Variants in NOSTRIN observed in about 807,000 individuals in gnomAD.
NOSTRIN encodes BM247 homolog.
A neutral mutation model predicts 59.0 loss-of-function variants in NOSTRIN; 63 were observed. The ratio of observed to expected loss-of-function variants is 1.07; its 90% CI spans 0.87 to 1.32. The LOEUF is 1.32. Among genes scored for constraint, NOSTRIN ranks in the 40% most tolerant of loss-of-function variants. The pLI is 0.00. For synonymous variants in NOSTRIN, 200 were observed against 165.4 expected (o/e 1.21, Z -1.61); for missense variants, 512 against 473.1 (o/e 1.08, Z -0.76).
At position 168,839,547 on chromosome 2, in the gene NOSTRIN, G is replaced by C. The variant is rs1430185566; in HGVS notation, c.505-3445G>C. Reference sequence around the variant, plus strand: ...GATGTTTGTTCCAAGAGCAAAAAAAGGGACGAAAGGAAAAGAAGTCAATCT... The same window carrying C: ...GATGTTTGTTCCAAGAGCAAAAAAACGGACGAAAGGAAAAGAAGTCAATCT... On this transcript the variant is annotated intron_variant, in intron 7 of 15. Transcript: ENST00000317647. 2.0e-5 allele frequency among the ~76,000 whole-genome samples: 3 copies of C among 152,242 alleles called. No individual in the cohort carries two copies. The East Asian group carries it at 5.8e-4, about 29-fold the overall frequency.
At chr2:168,849,561 G>A (rs1454827469) in intron 8 of NOSTRIN, among the ~76,000 whole-genome samples, 1 of 151,416 alleles carries the variant, frequency 6.6e-6, no homozygotes, top group Non-Finnish European at 1.5e-5. Context: ...TTGCCACGTT[G>A]GGCAGGCTGG....
At chr2:168,853,862 A>C (rs1688916431) in intron 10 of NOSTRIN, among the ~76,000 whole-genome samples, 1 of 152,168 alleles carries the variant, frequency 6.6e-6, no homozygotes, top group Non-Finnish European at 1.5e-5. Flanking sequence ...GTAATAAATA[A>C]TATAAAGAAA....
chr2:168,792,954 G>T (rs2105499764), intron 2 of NOSTRIN, among the ~76,000 whole-genome samples: 1 of 152,260 alleles, frequency 6.6e-6, no homozygotes, highest in South Asian at 2.1e-4. Context: ...CCCAAAGTTA[G>T]CATACTAATT....
At chr2:168,797,084 T>TTTTTTTTG (rs1685502356), upstream of NOSTRIN, among the ~76,000 whole-genome samples, 1 of 31,756 alleles carries the variant, frequency 3.1e-5, no homozygotes, top group African/African-American at 1.1e-4. Flanking sequence ...TTTTTCTTTT[T>TTTTTTTTG]TTTTTTTTTT....
intron 2 of NOSTRIN, among the ~76,000 whole-genome samples, chr2:168,820,291 A>G (rs955058557): frequency 1.3e-5 from 2 of 152,188 alleles, no homozygotes; most frequent in Non-Finnish European, 2.9e-5. Flanking sequence ...GTTCCGTTCC[A>G]TGAAATGGGT....
chr2:168,798,746 A>G (rs1685545357), upstream of NOSTRIN, among the ~76,000 whole-genome samples: 1 of 152,198 alleles, frequency 6.6e-6, no homozygotes, highest in Non-Finnish European at 1.5e-5. Context: ...CTCTTTGTGC[A>G]TTAAAATTTT....
intron 12 of NOSTRIN, chr2:168,859,170 A>G (rs2105785609): frequency 5.2e-6 from 1 of 191,768 alleles, no homozygotes; most frequent in Admixed American, 5.9e-5. Flanking sequence ...AGACCACCAA[A>G]AATCTACCTT....
chr2:168,796,963 T>C (rs1453593201), upstream of NOSTRIN, among the ~76,000 whole-genome samples: 1 of 152,184 alleles, frequency 6.6e-6, no homozygotes, highest in Non-Finnish European at 1.5e-5. Flanking sequence ...TGAAAGCAAT[T>C]ATTTATTGAA....
At position 168,863,652 on chromosome 2, in the gene NOSTRIN, A is replaced by C. The variant is rs1689631232; in HGVS notation, c.1385-1182A>C. ...GGAGTTACATTTTGAATGGGGAGTTACATTTCTGTGCAAAGCTGTGAGTGA... is the reference window on the plus strand; with the variant it reads ...GGAGTTACATTTTGAATGGGGAGTTCCATTTCTGTGCAAAGCTGTGAGTGA... On this transcript the variant is annotated intron_variant, in intron 15 of 15. Transcript: ENST00000317647. 3 of 932,868 alleles carry C rather than the reference A, an allele frequency of 3.2e-6. No homozygotes were observed. In the African/African-American group the frequency reaches 8.0e-5, roughly 25 times the overall value. The allele number at this position is 932,868 out of a possible 1,614,324, so 57.8% of individuals were successfully genotyped here.
intron 15 of NOSTRIN, among the ~76,000 whole-genome samples, chr2:168,864,131 C>CTAAT (rs1452894149): frequency 6.6e-6 from 1 of 152,030 alleles, no homozygotes; most frequent in Non-Finnish European, 1.5e-5. Flanking sequence ...CCATGCCTGG[C>CTAAT]TAATTTTTGT....
intron 8 of NOSTRIN, among the ~76,000 whole-genome samples, chr2:168,844,279 T>C (rs936332981): frequency 2.6e-5 from 4 of 152,134 alleles, no homozygotes; most frequent in African/African-American, 7.2e-5. Context: ...CGGCCCCTGG[T>C]GAAGCAGTAC....
chr2:168,864,546 A>C (rs1247382057), intron 15 of NOSTRIN, among the ~76,000 whole-genome samples: 1 of 152,326 alleles, frequency 6.6e-6, no homozygotes, highest in East Asian at 1.9e-4. Context: ...TGGCCTCCCA[A>C]AGTGCTGGGA....
chr2:168,855,461 G>A lies in NOSTRIN; in HGVS notation c.964+1G>A, dbSNP rs778271922. ...GAAAAAGCCTCAAAAGACAAGGAAG[G>A]TGTGTAACCATCTCTTTGAATGGCC... On this transcript the variant is annotated splice_donor_variant, in intron 11 of 15. Transcript: ENST00000317647. LOFTEE classifies it high-confidence loss of function. The A allele has an allele frequency of 1.3e-6, 2 of 1,568,286 alleles. No individual in the cohort carries two copies. The highest frequency in any genetic ancestry group is 1.8e-6 in the Non-Finnish European group (2 of 1,140,972).
At chr2:168,800,181 A>G (rs1685577007), upstream of NOSTRIN, among the ~76,000 whole-genome samples, 1 of 152,238 alleles carries the variant, frequency 6.6e-6, no homozygotes, top group Non-Finnish European at 1.5e-5. Context: ...GCCCAGATGC[A>G]TGGCTCTGCC....
intron 6 of NOSTRIN, among the ~76,000 whole-genome samples, chr2:168,833,181 A>C (rs1687468545): frequency 6.6e-6 from 1 of 152,232 alleles, no homozygotes; most frequent in Admixed American, 6.5e-5. Flanking sequence ...GTTACAATTC[A>C]AGGGATTCAG....
intron 7 of NOSTRIN, among the ~76,000 whole-genome samples, chr2:168,842,103 A>C (rs1001702047): frequency 1.1e-4 from 17 of 152,200 alleles, no homozygotes; most frequent in Non-Finnish European, 2.4e-4. Context: ...ACAGAAAGGC[A>C]GGGGAAAGTG....
At chr2:168,824,817 C>A in intron 3 of NOSTRIN, 100 bp downstream of exon 3, 1 of 672,290 alleles carries the variant, frequency 1.5e-6, no homozygotes, top group Non-Finnish European at 2.7e-6. Context: ...TGCTCTGTTA[C>A]CTGGGTTAGA....
intron 15 of NOSTRIN, chr2:168,863,759 T>A (rs1275859732): frequency 4.7e-6 from 3 of 632,290 alleles, no homozygotes; most frequent in Admixed American, 6.3e-5. Context: ...TGAGACATAC[T>A]TATAGCAGCC....
At position 168,865,237 on chromosome 2, in the gene NOSTRIN, C is replaced by G. The variant is rs1689795070; in HGVS notation, c.*267C>G. 1 of 351,608 alleles carries G rather than the reference C, an allele frequency of 2.8e-6. No homozygotes were observed. Among genetic ancestry groups the G allele is most frequent in the South Asian group, 4.7e-5 (1 of 21,188 alleles). The allele number at this position is 351,608 out of a possible 1,614,324, so 21.8% of individuals were successfully genotyped here. On this transcript the variant is annotated 3_prime_UTR_variant, in exon 16 of 16. Transcript: ENST00000317647. ...GACCCTAGAGATGATCCAGTATAAC[C>G]CCTGGTGTCACAGAAACAGACGGAG...
Sources: allele counts gnomAD v4.1 joint callset (sites outside exome capture counted in the v4.1 genomes callset), GRCh38; gene constraint gnomAD v4.1.1; transcripts MANE v1.5; gene names NCBI Gene and HGNC (gene_info 2026-07-23, HGNC 2026-07-21).